The following CSNK1E variants were observed in gnomAD, a reference collection of about 807,000 sequenced individuals.
CSNK1E encodes the protein casein kinase 1 epsilon.
CSNK1E carries 17 observed loss-of-function variants against 46.1 expected under a neutral mutation model. That is an observed-to-expected ratio of 0.37 (90% CI 0.25 to 0.55). The LOEUF (loss-of-function observed/expected upper bound fraction) is 0.55. Among genes scored for constraint, CSNK1E ranks in the 20% least tolerant of loss-of-function variants. CSNK1E has a pLI of 0.82. For missense variants in CSNK1E, 386 were observed against 595.4 expected (o/e 0.65, Z 3.66); for synonymous variants, 241 against 242.6 (o/e 0.99, Z 0.06).
chr22:38,309,598 G>A lies in CSNK1E; in HGVS notation c.76+4484C>T, dbSNP rs1429349336. 6.6e-6 allele frequency among the ~76,000 whole-genome samples: 1 copy of A among 152,040 alleles called. No individual in the cohort carries two copies. Among genetic ancestry groups the A allele is most frequent in the Non-Finnish European group, 1.5e-5 (1 of 68,018 alleles). ...GCCTCCCGAGTAACTGGGATTACAA[G>A]CAGACACCACCACGCCTGGCTAATT... On this transcript the variant is annotated intron_variant, in intron 2 of 10. Coordinates refer to ENST00000396832, the MANE Select transcript of CSNK1E (RefSeq NM_152221.3). The surrounding 1 kb of genome is among the most constrained non-coding windows in gnomAD (Gnocchi z 4.8).
rs917450791 is a variant in CSNK1E, at chr22:38,317,220, C to A, written c.-73G>T. 6.7e-6 allele frequency: 1 copy of A among 149,752 alleles called. No homozygotes were observed. Among genetic ancestry groups the A allele is most frequent in the African/African-American group, 2.4e-5 (1 of 41,030 alleles). 9.3% of individuals were successfully genotyped at this position (149,752 alleles called of 1,614,324 possible). A position where few individuals can be genotyped will look rare whatever the true frequency, so the allele number is the denominator to read the frequency against. On this transcript the variant is annotated 5_prime_UTR_variant, in exon 1 of 11. Transcript: ENST00000396832. ...GGGGGGCTGCCGCGGGCGGGGGCGG[C>A]CCGCCGGGGCGGATGCCGGAGGATT...
intron 10 of CSNK1E, 123 bp downstream of exon 10, chr22:38,293,132 G>A (rs1435725108): frequency 2.0e-5 from 16 of 801,986 alleles, no homozygotes; most frequent in South Asian, 2.7e-5. Flanking sequence ...GTTCTGGGGC[G>A]CCTGGTACCA....
chr22:38,296,811 G>T, intron 7 of CSNK1E: 1 of 1,254,360 alleles, frequency 8.0e-7, no homozygotes, highest in South Asian at 1.4e-5. Flanking sequence ...CTTGCCGGAT[G>T]TGGTGGCCAC....
In CSNK1E at chr22:38,300,193, C is replaced by G. The variant is rs750047552; in HGVS notation, c.566-128G>C. 6.1e-6 allele frequency: 5 copies of G among 816,236 alleles called. No homozygotes were observed. Among genetic ancestry groups the G allele is most frequent in the Non-Finnish European group, 9.4e-6 (5 of 529,650 alleles). The allele number at this position is 816,236 out of a possible 1,614,324, so 50.6% of individuals were successfully genotyped here. A position where few individuals can be genotyped will look rare whatever the true frequency, so the allele number is the denominator to read the frequency against. On this transcript the variant is annotated intron_variant, in intron 5 of 10. Transcript: ENST00000396832. The surrounding 1 kb of genome is among the most constrained non-coding windows in gnomAD (Gnocchi z 4.4). Reference sequence around the variant, plus strand: ...CCCACGTCGGATGTTGCTCACTGCACGCATTTTAAACAGGCACTGCTATTA... The same window carrying G: ...CCCACGTCGGATGTTGCTCACTGCAGGCATTTTAAACAGGCACTGCTATTA...
At chr22:38,314,222 G>C in intron 1 of CSNK1E, 53 bp from the exon 2 acceptor site, 1 of 1,459,512 alleles carries the variant, frequency 6.9e-7, no homozygotes, top group Non-Finnish European at 9.6e-7. Context: ...CCGGGAAAGG[G>C]GTCCAGTCCA....
At chr22:38,308,891 T>C (rs1012337961) in intron 2 of CSNK1E, among the ~76,000 whole-genome samples, 2 of 151,578 alleles carry the variant, frequency 1.3e-5, no homozygotes, top group African/African-American at 4.9e-5. Context: ...GTGGAAGAGG[T>C]GGGCAGGGAA....
In CSNK1E at chr22:38,300,681, C is replaced by T. The variant is rs1473827563; in HGVS notation, c.565+43G>A. 1 of 1,585,592 alleles carries T rather than the reference C, an allele frequency of 6.3e-7. No individual in the cohort carries two copies. Among genetic ancestry groups the T allele is most frequent in the Non-Finnish European group, 8.6e-7 (1 of 1,156,756 alleles). On this transcript the variant is annotated intron_variant, in intron 5 of 10. Coordinates refer to ENST00000396832, the MANE Select transcript of CSNK1E (RefSeq NM_152221.3). This position sits in a 1 kb window ranked among gnomAD's most constrained non-coding sequence, Gnocchi z 4.4. The stretch of plus-strand genomic sequence containing the variant: ...GGGCTCCAGAGAGCTGGGCCCCAGC[C>T]AGTGGCCCCGGGTGCACACTGCTCC...
rs750956278 is a variant in CSNK1E at position 38,300,732 on chromosome 22, A to C, written c.557T>G (p.Leu186Arg). ...AGGCCTGGCTCCCTCACCAATGCCC[A>C]GGTGCGTGTTGATGGAAGCGTAGCG... ...TARYASINTH[L>R]GIEQSRRDDL... Residue 186 changes from leucine (L) to arginine (R), a missense_variant, in exon 5 of 11, where the codon CTG becomes CGG. Around this residue, in one of 2 missense-constraint regions of CSNK1E, gnomAD observed 212 missense variants for 410.2 expected, o/e 0.52. Transcript: ENST00000396832. The surrounding 1 kb of genome is among the most constrained non-coding windows in gnomAD (Gnocchi z 4.4). 1 of 1,614,110 alleles carries C rather than the reference A, an allele frequency of 6.2e-7. No homozygotes were observed. The highest frequency in any genetic ancestry group is 8.5e-7 in the Non-Finnish European group (1 of 1,179,952).
chr22:38,302,816 G>A, intron 4 of CSNK1E, 45 bp downstream of exon 4: 1 of 1,608,498 alleles, frequency 6.2e-7, no homozygotes, highest in East Asian at 2.2e-5. Context: ...CTGGTATCCT[G>A]GGCCCACAGG....
At chr22:38,310,325 G>A (rs2092715456) in intron 2 of CSNK1E, among the ~76,000 whole-genome samples, 1 of 152,188 alleles carries the variant, frequency 6.6e-6, no homozygotes, top group Non-Finnish European at 1.5e-5. Flanking sequence ...GCTGGCCCTA[G>A]AGGGGCTGGG....
At chr22:38,305,549 C>A (rs183496082) in intron 2 of CSNK1E, among the ~76,000 whole-genome samples, 96 of 151,522 alleles carry the variant, frequency 6.3e-4, no homozygotes, top group Non-Finnish European at 1.2e-3. Context: ...TTATCACAGG[C>A]AAAGAGCTAA....
chr22:38,314,095 T>A lies in CSNK1E; in HGVS notation c.63A>T (p.Gly21=). 1 of 1,613,910 alleles carries A rather than the reference T, an allele frequency of 6.2e-7. No individual in the cohort carries two copies. The highest frequency in any genetic ancestry group is 8.5e-7 in the Non-Finnish European group (1 of 1,179,912). ...AGGAACACTTACCCAGGTAGATATC[T>A]CCGAAGGACCCGCTCCCGATCTTCC... is the stretch of plus-strand genomic sequence containing the variant. The part of the protein sequence containing the change: ...LGRKIGSGSF[G]DIYLGANIAS... Residue 21 remains glycine (G), a synonymous_variant, in exon 2 of 11, where the codon GGA becomes GGT. Coordinates refer to ENST00000396832, the MANE Select transcript of CSNK1E (RefSeq NM_152221.3).
chr22:38,302,291 AG>A (rs1247807014), intron 4 of CSNK1E, among the ~76,000 whole-genome samples: 3 of 152,182 alleles, frequency 2.0e-5, no homozygotes, highest in African/African-American at 7.2e-5. Context: ...AGACTGCTCA[AG>A]GCCAGGAGTT....
rs10618230 is a variant in CSNK1E at position 38,305,432 on chromosome 22, T to TA, written c.77-2185dup. On this transcript the variant is annotated intron_variant, in intron 2 of 10. Coordinates refer to ENST00000396832, the MANE Select transcript of CSNK1E (RefSeq NM_152221.3). ...CCTGATTCAAAATCCTAAAGCCATT[T>TA]AAAAAAAAAAAAAAAAAGCTCCTTC... Among the ~76,000 whole-genome samples, 780 of 113,902 alleles carry TA rather than the reference T, an allele frequency of 6.8e-3. 11 individuals are homozygous for TA. Among genetic ancestry groups the TA allele is most frequent in the African/African-American group, 0.021 (651 of 30,632 alleles). The allele number at this position is 113,902 out of a possible 152,430, so 74.7% of individuals were successfully genotyped here.
chr22:38,303,556 C>T lies in CSNK1E; in HGVS notation c.77-308G>A, dbSNP rs2092684832. 6.6e-6 allele frequency among the ~76,000 whole-genome samples: 1 copy of T among 152,162 alleles called. No homozygotes were observed. The highest frequency in any genetic ancestry group is 2.4e-5 in the African/African-American group (1 of 41,420). On this transcript the variant is annotated intron_variant, in intron 2 of 10. Transcript: ENST00000396832. The surrounding 1 kb of genome is among the most constrained non-coding windows in gnomAD (Gnocchi z 4.7). ...GGTATGCAAAAGGCTCACAGACCAC[C>T]TAAGGGAGGGGGCTGAGTCCTAGAG...
At position 38,297,429 on chromosome 22, in the gene CSNK1E, G is replaced by A. The variant is rs553657738; in HGVS notation, c.885+1357C>T. Among the ~76,000 whole-genome samples the A allele has an allele frequency of 9.8e-5, 15 of 152,330 alleles. No individual in the cohort carries two copies. The South Asian group carries it at 1.9e-3, about 19-fold the overall frequency. The stretch of plus-strand genomic sequence containing the variant: ...CCTCTCCCTGAGGTCCCTAGCCTGC[G>A]AGACCCCCATTCTCTGCCTGACCTC... On this transcript the variant is annotated intron_variant, in intron 7 of 10. Transcript: ENST00000396832.
At position 38,298,965 on chromosome 22, in the gene CSNK1E, C is replaced by CACT. The variant is rs755972738; in HGVS notation, c.737-34_737-32dup. 3 of 1,612,996 alleles carry CACT rather than the reference C, an allele frequency of 1.9e-6. No homozygotes were observed. Among genetic ancestry groups the CACT allele is most frequent in the Non-Finnish European group, 2.5e-6 (3 of 1,179,268 alleles). Reference sequence around the variant, plus strand: ...GGGTGTTGCAGAGGATAGAGAAGGCCACTGTGAGGCCCACGCTCCCAGACC... The same window carrying CACT: ...GGGTGTTGCAGAGGATAGAGAAGGCCACTACTGTGAGGCCCACGCTCCCAGACC... On this transcript the variant is annotated intron_variant, in intron 6 of 10. Transcript: ENST00000396832. The surrounding 1 kb of genome is among the most constrained non-coding windows in gnomAD (Gnocchi z 4.2).
rs566382696 is a variant in CSNK1E, at chr22:38,310,929, C to T, written c.76+3153G>A. On this transcript the variant is annotated intron_variant, in intron 2 of 10. Coordinates refer to ENST00000396832, the MANE Select transcript of CSNK1E (RefSeq NM_152221.3). Reference sequence around the variant, plus strand: ...TGGAGCCAGCAAGGCTGGCCGGGGACGCCCTACAATCACCACTGTCCCCAA... The same window carrying T: ...TGGAGCCAGCAAGGCTGGCCGGGGATGCCCTACAATCACCACTGTCCCCAA... 1.2e-3 allele frequency among the ~76,000 whole-genome samples: 176 copies of T among 152,300 alleles called. 1 individual carries two copies. The highest frequency in any genetic ancestry group is 2.5e-3 in the South Asian group (12 of 4,830).
At chr22:38,295,656 G>A (rs935530114) in intron 7 of CSNK1E, among the ~76,000 whole-genome samples, 4 of 152,178 alleles carry the variant, frequency 2.6e-5, no homozygotes, top group Admixed American at 6.5e-5. Flanking sequence ...TGACCTGCCC[G>A]GGGTTGCACA....
Sources: allele counts gnomAD v4.1 joint callset (sites outside exome capture counted in the v4.1 genomes callset), GRCh38; gene constraint gnomAD v4.1.1; regional missense constraint gnomAD v4.1.1; non-coding constraint Gnocchi (gnomAD v3.1); transcripts MANE v1.5; gene names NCBI Gene and HGNC (gene_info 2026-07-23, HGNC 2026-07-21).